Variants in CADM2 observed in about 807,000 individuals in gnomAD.
CADM2 encodes the protein immunoglobulin superfamily member 4D.
CADM2 carries 12 observed loss-of-function variants against 49.8 expected under a neutral mutation model. The observed-to-expected ratio is 0.24, with a 90% CI of 0.15 to 0.39. The LOEUF (loss-of-function observed/expected upper bound fraction) is 0.39, where lower values mean the gene tolerates loss of function less well. CADM2 is among the 10% of genes least tolerant of loss of function. CADM2 has a pLI of 1.00. For synonymous variants in CADM2, 214 were observed against 175.4 expected (o/e 1.22, Z -1.74); for missense variants, 378 against 492.3 (o/e 0.77, Z 2.20).
intron 1 of CADM2, among the ~76,000 whole-genome samples, chr3:85,316,857 G>T (rs1269283481): frequency 1.3e-5 from 2 of 152,102 alleles, no homozygotes; most frequent in African/African-American, 4.8e-5. Flanking sequence ...GAAAGTAAGA[G>T]AAACACCCAG....
At chr3:85,806,626 T>A (rs1577354640) in intron 3 of CADM2, among the ~76,000 whole-genome samples, 2 of 152,198 alleles carry the variant, frequency 1.3e-5, no homozygotes, top group Admixed American at 1.3e-4. Context: ...TCCTAGCCAC[T>A]TGGGAGGCTG....
At chr3:85,648,280 T>G (rs920292753) in intron 1 of CADM2, among the ~76,000 whole-genome samples, 1 of 151,992 alleles carries the variant, frequency 6.6e-6, no homozygotes, top group African/African-American at 2.4e-5. Flanking sequence ...TAAATGGTGA[T>G]TATTAAAATA....
chr3:85,447,204 C>A (rs982352832), intron 1 of CADM2, among the ~76,000 whole-genome samples: 7 of 151,304 alleles, frequency 4.6e-5, no homozygotes, highest in African/African-American at 1.7e-4. Flanking sequence ...GGACAAGTGC[C>A]ACAAAACAGA....
intron 1 of CADM2, among the ~76,000 whole-genome samples, chr3:85,110,382 A>G (rs2038404332): frequency 6.6e-6 from 1 of 151,780 alleles, no homozygotes; most frequent in African/African-American, 2.4e-5. Context: ...GTCAAAAGAG[A>G]GACACAACAC....
At chr3:85,122,923 C>T (rs2038914703) in intron 1 of CADM2, among the ~76,000 whole-genome samples, 1 of 152,010 alleles carries the variant, frequency 6.6e-6, no homozygotes, top group Admixed American at 6.6e-5. Context: ...TCCATTAAAC[C>T]TCAAACTGAG....
chr3:85,075,076 A>G (rs2036892443), intron 1 of CADM2, among the ~76,000 whole-genome samples: 1 of 152,172 alleles, frequency 6.6e-6, no homozygotes, highest in Admixed American at 6.5e-5. Context: ...GAGGGGAAAA[A>G]AGAACAAATA....
intron 1 of CADM2, among the ~76,000 whole-genome samples, chr3:85,677,422 A>G (rs184653158): frequency 3.3e-5 from 5 of 152,310 alleles, no homozygotes; most frequent in Admixed American, 2.0e-4. Context: ...TGGAAGTTAC[A>G]TCGTATGAAC....
At chr3:85,158,518 T>G (rs2040213703) in intron 1 of CADM2, among the ~76,000 whole-genome samples, 1 of 152,126 alleles carries the variant, frequency 6.6e-6, no homozygotes. Context: ...GCCATAAAAA[T>G]GATGAGTTCA....
chr3:85,542,359 T>C (rs919542538), intron 1 of CADM2, among the ~76,000 whole-genome samples: 4 of 152,202 alleles, frequency 2.6e-5, no homozygotes, highest in Non-Finnish European at 4.4e-5. Context: ...AAAGACCTTT[T>C]GATTATGTTC....
intron 8 of CADM2, among the ~76,000 whole-genome samples, chr3:86,042,241 A>T (rs1159659680): frequency 6.6e-6 from 1 of 152,206 alleles, no homozygotes; most frequent in African/African-American, 2.4e-5. Flanking sequence ...AGCAGAACTG[A>T]AGGAAATAGA....
intron 1 of CADM2, among the ~76,000 whole-genome samples, chr3:85,433,621 T>C (rs1449739603): frequency 6.6e-6 from 1 of 152,152 alleles, no homozygotes; most frequent in Non-Finnish European, 1.5e-5. Flanking sequence ...AGAGAAAGCA[T>C]ACAACTCATT....
At chr3:85,323,958 C>T (rs539576571) in intron 1 of CADM2, among the ~76,000 whole-genome samples, 11 of 152,230 alleles carry the variant, frequency 7.2e-5, no homozygotes, top group Non-Finnish European at 1.5e-5. Context: ...CCTTACGAAT[C>T]AATTAAGCAA....
chr3:86,006,016 A>T (rs1304012351), intron 8 of CADM2, among the ~76,000 whole-genome samples: 1 of 152,180 alleles, frequency 6.6e-6, no homozygotes, highest in Non-Finnish European at 1.5e-5. Flanking sequence ...AATGATCTCC[A>T]GTTCCATCCA....
chr3:85,310,147 A>G (rs76896634), intron 1 of CADM2, among the ~76,000 whole-genome samples: 500 of 152,342 alleles, frequency 3.3e-3, no homozygotes, highest in Non-Finnish European at 5.2e-3. Context: ...GTAACCAGCT[A>G]CTGCTCTGTT....
intron 2 of CADM2, among the ~76,000 whole-genome samples, chr3:85,744,911 T>C (rs556237538): frequency 5.9e-5 from 9 of 152,342 alleles, no homozygotes; most frequent in African/African-American, 2.2e-4. Flanking sequence ...TGGCATGCTC[T>C]GCCTTATGAA....
chr3:85,376,550 T>C (rs1277791123), intron 1 of CADM2, among the ~76,000 whole-genome samples: 2 of 152,038 alleles, frequency 1.3e-5, no homozygotes, highest in Non-Finnish European at 2.9e-5. Context: ...TAGTAATGCT[T>C]TAATGGATGA....
intron 3 of CADM2, among the ~76,000 whole-genome samples, chr3:85,865,085 C>T (rs1477830185): frequency 6.6e-6 from 1 of 152,236 alleles, no homozygotes; most frequent in Non-Finnish European, 1.5e-5. Context: ...GTTTATAAGG[C>T]TGTGTCTGTG....
At chr3:85,511,669 C>T (rs1249041900) in intron 1 of CADM2, among the ~76,000 whole-genome samples, 1 of 151,948 alleles carries the variant, frequency 6.6e-6, no homozygotes, top group East Asian at 1.9e-4. Flanking sequence ...GTTCTTTTGA[C>T]TATGCATTTT....
chr3:85,419,672 C>T (rs2036079568), intron 1 of CADM2, among the ~76,000 whole-genome samples: 1 of 152,134 alleles, frequency 6.6e-6, no homozygotes, highest in Non-Finnish European at 1.5e-5. Context: ...AGGACAGTTG[C>T]CACCTAGATT....
Sources: gnomAD v4.1 joint callset for allele counts (sites outside exome capture counted in the v4.1 genomes callset) on GRCh38, gnomAD v4.1.1 for gene constraint, MANE v1.5 for transcripts, NCBI Gene and HGNC (gene_info 2026-07-23, HGNC 2026-07-21) for gene names.